The following TBC1D22A variants were observed in gnomAD, a reference collection of about 807,000 sequenced individuals.
TBC1D22A encodes the protein putative GTPase activator.
Under a neutral mutation model 60.2 loss-of-function variants are expected in TBC1D22A, and 38 were observed. The observed-to-expected ratio is 0.63, with a 90% CI of 0.49 to 0.83. The LOEUF (loss-of-function observed/expected upper bound fraction) is 0.83, where lower values mean the gene tolerates loss of function less well. Ranked by LOEUF, TBC1D22A falls within the 40% of genes least tolerant of loss-of-function variation. The probability of loss-of-function intolerance (pLI) is 0.00; values close to 1 mark genes in which losing one functional copy is unlikely to be tolerated. For missense variants in TBC1D22A, 628 were observed against 701.0 expected (o/e 0.90, Z 1.18); for synonymous variants, 302 against 281.7 (o/e 1.07, Z -0.72).
chr22:47,157,561 C>T (rs977518580), intron 12 of TBC1D22A, among the ~76,000 whole-genome samples: 3 of 152,200 alleles, frequency 2.0e-5, no homozygotes, highest in Non-Finnish European at 2.9e-5. Context: ...CGCAGGACGG[C>T]GGGTGCGCTG....
At chr22:47,156,745 G>A (rs113933676) in intron 12 of TBC1D22A, among the ~76,000 whole-genome samples, 17 of 152,262 alleles carry the variant, frequency 1.1e-4, no homozygotes, top group African/African-American at 2.2e-4. Flanking sequence ...TGATGGATCC[G>A]TGTAAGTGCA....
intron 12 of TBC1D22A, among the ~76,000 whole-genome samples, chr22:47,135,439 G>A (rs2066831377): frequency 6.6e-6 from 1 of 152,238 alleles, no homozygotes; most frequent in Admixed American, 6.5e-5. Context: ...CACAAGCACA[G>A]CCTGGGGTTC....
At chr22:46,975,983 A>G (rs1429442516) in intron 9 of TBC1D22A, among the ~76,000 whole-genome samples, 1 of 152,172 alleles carries the variant, frequency 6.6e-6, no homozygotes, top group Non-Finnish European at 1.5e-5. Context: ...CCAAGCACCA[A>G]TTTGTCATTT....
intron 8 of TBC1D22A, among the ~76,000 whole-genome samples, chr22:46,932,519 C>T (rs1404680367): frequency 6.6e-6 from 1 of 152,046 alleles, no homozygotes; most frequent in Admixed American, 6.5e-5. Flanking sequence ...AAATGTTATG[C>T]TTGCCTCATA....
intron 4 of TBC1D22A, among the ~76,000 whole-genome samples, chr22:46,807,396 T>C (rs1283428598): frequency 2.0e-5 from 3 of 152,328 alleles, no homozygotes; most frequent in South Asian, 2.1e-4. Context: ...TGAGGACTTC[T>C]GTCCTGTCTG....
chr22:47,104,562 G>C (rs1329903927), intron 11 of TBC1D22A, among the ~76,000 whole-genome samples: 2 of 151,906 alleles, frequency 1.3e-5, no homozygotes, highest in Non-Finnish European at 2.9e-5. Context: ...GGGCATGATG[G>C]CACATGCCTG....
At chr22:46,977,418 C>T (rs2074343682) in intron 9 of TBC1D22A, among the ~76,000 whole-genome samples, 1 of 152,150 alleles carries the variant, frequency 6.6e-6, no homozygotes, top group Non-Finnish European at 1.5e-5. Flanking sequence ...AGCATCACCC[C>T]TCTGTCCCCA....
chr22:47,053,758 C>G (rs148221648), intron 11 of TBC1D22A, among the ~76,000 whole-genome samples: 19 of 152,362 alleles, frequency 1.2e-4, no homozygotes, highest in Admixed American at 2.6e-4. Context: ...TGGCTGAGCC[C>G]TTCTGCGCTC....
intron 5 of TBC1D22A, among the ~76,000 whole-genome samples, chr22:46,886,359 T>C (rs960639850): frequency 1.3e-5 from 2 of 152,216 alleles, no homozygotes; most frequent in African/African-American, 4.8e-5. Context: ...GCTAGGCTGT[T>C]CTGTGCCCCT....
At chr22:46,983,777 T>A (rs2148175588) in intron 9 of TBC1D22A, among the ~76,000 whole-genome samples, 1 of 151,384 alleles carries the variant, frequency 6.6e-6, no homozygotes, top group Non-Finnish European at 1.5e-5. Flanking sequence ...AAAAAAAAAA[T>A]AATTTGGTGG....
chr22:46,939,758 C>T (rs1426800413), intron 8 of TBC1D22A, among the ~76,000 whole-genome samples: 1 of 152,126 alleles, frequency 6.6e-6, no homozygotes, highest in Non-Finnish European at 1.5e-5. Context: ...CTAGAAGTAA[C>T]GAGGAGCTAA....
intron 12 of TBC1D22A, among the ~76,000 whole-genome samples, chr22:47,151,988 C>T (rs1316455811): frequency 1.3e-5 from 2 of 152,274 alleles, no homozygotes; most frequent in Admixed American, 6.5e-5. Flanking sequence ...GGAGCGTGTG[C>T]GGCCGTGGTC....
chr22:46,903,309 C>T (rs972313221), intron 7 of TBC1D22A, among the ~76,000 whole-genome samples: 9 of 152,162 alleles, frequency 5.9e-5, no homozygotes, highest in African/African-American at 1.7e-4. Context: ...GGTAGCAGAG[C>T]GAAGTTCAGC....
intron 8 of TBC1D22A, among the ~76,000 whole-genome samples, chr22:46,912,812 C>A (rs1281732967): frequency 6.6e-6 from 1 of 152,198 alleles, no homozygotes; most frequent in Non-Finnish European, 1.5e-5. Flanking sequence ...GCCTTCGCCT[C>A]CCAAAGTGCT....
chr22:47,041,112 ATT>A (rs773626255), intron 11 of TBC1D22A, among the ~76,000 whole-genome samples: 15 of 152,254 alleles, frequency 9.9e-5, no homozygotes, highest in Admixed American at 9.8e-4. Context: ...GAAAGGGAAC[ATT>A]TATTTTTGGC....
In TBC1D22A at chr22:47,064,168, T is replaced by C. The variant is rs144795597; in HGVS notation, c.1329+26970T>C. On this transcript the variant is annotated intron_variant, in intron 11 of 12. Transcript: ENST00000337137. The stretch of plus-strand genomic sequence containing the variant: ...ACAGGCCCTCGTGGAGCAGGGCTGA[T>C]GCGTTGCCGTTGCCGGGGAGCCGCT... 7.8e-3 allele frequency among the ~76,000 whole-genome samples: 1,190 copies of C among 152,348 alleles called. 14 individuals are homozygous for C. The highest frequency in any genetic ancestry group is 0.027 in the African/African-American group (1,132 of 41,598).
At chr22:46,977,294 C>T (rs770294603) in intron 9 of TBC1D22A, among the ~76,000 whole-genome samples, 8 of 152,060 alleles carry the variant, frequency 5.3e-5, no homozygotes, top group African/African-American at 1.7e-4. Flanking sequence ...TTTGAGATTC[C>T]GTATTCTACT....
intron 4 of TBC1D22A, among the ~76,000 whole-genome samples, chr22:46,844,152 C>G (rs1049070732): frequency 5.3e-5 from 8 of 150,316 alleles, no homozygotes; most frequent in Non-Finnish European, 3.0e-5. Flanking sequence ...GCACTCTGGT[C>G]CAAGCACATT....
chr22:46,770,120 C>G (rs983214586), intron 1 of TBC1D22A, among the ~76,000 whole-genome samples: 2 of 152,170 alleles, frequency 1.3e-5, no homozygotes, highest in Non-Finnish European at 2.9e-5. Context: ...TGTAACCTCA[C>G]GAGCTTTTGG....
Sources: gnomAD v4.1 joint callset for allele counts (sites outside exome capture counted in the v4.1 genomes callset) on GRCh38, gnomAD v4.1.1 for gene constraint, MANE v1.5 for transcripts, NCBI Gene and HGNC (gene_info 2026-07-23, HGNC 2026-07-21) for gene names.